Variants in PRKX observed in about 807,000 individuals in gnomAD.
The protein encoded by PRKX is protein kinase cAMP-dependent X-linked catalytic subunit.
PRKX carries 12 observed loss-of-function variants against 22.0 expected under a neutral mutation model. The observed-to-expected ratio is 0.54, with a 90% CI of 0.35 to 0.88. PRKX has a LOEUF of 0.88. Among genes scored for constraint, PRKX ranks in the 40% least tolerant of loss-of-function variants. The pLI, the probability that PRKX is intolerant of heterozygous loss-of-function variation, is 0.01. For synonymous variants in PRKX, 134 were observed against 137.7 expected (o/e 0.97, Z 0.19); for missense variants, 217 against 308.0 (o/e 0.70, Z 2.21).
chrX:3,672,613 C>T (rs1164506555), intron 2 of PRKX, among the ~76,000 whole-genome samples: 3 of 111,320 alleles, frequency 2.7e-5, no homozygotes, highest in African/African-American at 9.8e-5. Context: ...ATCGTCTCGG[C>T]TGCTCTCCTG....
At chrX:3,638,123 C>T (rs749171430) in intron 4 of PRKX, among the ~76,000 whole-genome samples, 2 of 111,348 alleles carry the variant, frequency 1.8e-5, no homozygotes, top group African/African-American at 6.5e-5. Context: ...ATTTTCTATT[C>T]TATTGTATTC....
chrX:3,676,836 C>T (rs141299473), intron 1 of PRKX, among the ~76,000 whole-genome samples: 1 of 111,089 alleles, frequency 9.0e-6, no homozygotes, highest in African/African-American at 3.3e-5. Flanking sequence ...ATAAGTCTCA[C>T]GAGATCAGAT....
Position 3,608,229 on chromosome X carries a change from A to G in PRKX, c.*740T>C, listed in dbSNP as rs1168985945. 1.8e-5 allele frequency: 2 copies of G among 110,391 alleles called. No homozygotes were observed. Among genetic ancestry groups the G allele is most frequent in the East Asian group, 2.9e-4 (1 of 3,507 alleles). The allele number at this position is 110,391 out of a possible 1,213,427, so 9.1% of individuals were successfully genotyped here. On this transcript the variant is annotated 3_prime_UTR_variant, in exon 9 of 9. Transcript: ENST00000262848. ...CACAGAAGGTTTTTTTAAATACAGT[A>G]CATTCCTCCAACAACTTCAATGTCA...
At chrX:3,631,914 A>G (rs1478800391) in intron 4 of PRKX, among the ~76,000 whole-genome samples, 1 of 112,680 alleles carries the variant, frequency 8.9e-6, no homozygotes, top group Non-Finnish European at 1.9e-5. Flanking sequence ...TAAACCTTTC[A>G]GTCTGTGGTA....
chrX:3,644,445 T>TATAAATCAG (rs1007860223), intron 3 of PRKX, among the ~76,000 whole-genome samples: 1 of 92,528 alleles, frequency 1.1e-5, no homozygotes, highest in African/African-American at 4.1e-5. Flanking sequence ...ATGTAGCAGA[T>TATAAATCAG]ATAAATCAGG....
intron 1 of PRKX, among the ~76,000 whole-genome samples, chrX:3,689,051 C>G (rs975509473): frequency 3.6e-5 from 4 of 111,938 alleles, no homozygotes; most frequent in Non-Finnish European, 7.5e-5. Flanking sequence ...AACTTTCTCA[C>G]CTTTTAAAAT....
intron 4 of PRKX, among the ~76,000 whole-genome samples, chrX:3,639,709 T>G (rs1032031595): frequency 2.7e-5 from 3 of 111,075 alleles, no homozygotes; most frequent in African/African-American, 9.8e-5. Flanking sequence ...ACTCTCCTCC[T>G]GCGGCATCTC....
At chrX:3,657,441 C>G in intron 2 of PRKX, among the ~76,000 whole-genome samples, 1 of 111,537 alleles carries the variant, frequency 9.0e-6, no homozygotes, top group African/African-American at 3.3e-5. Flanking sequence ...GGAGAGAGGG[C>G]TCAGGAGGCA....
chrX:3,672,711 G>A (rs1277099941), intron 2 of PRKX, among the ~76,000 whole-genome samples: 1 of 110,759 alleles, frequency 9.0e-6, no homozygotes, highest in Non-Finnish European at 1.9e-5. Flanking sequence ...GGAGGGACGC[G>A]GCAGACAACA....
At chrX:3,700,617 C>T (rs1311402278) in intron 1 of PRKX, among the ~76,000 whole-genome samples, 1 of 108,928 alleles carries the variant, frequency 9.2e-6, no homozygotes, top group Non-Finnish European at 1.9e-5. Context: ...CTCACTCTGT[C>T]ACCCAGGCTG....
intron 1 of PRKX, among the ~76,000 whole-genome samples, chrX:3,689,772 T>A (rs745939362): frequency 9.0e-6 from 1 of 111,431 alleles, no homozygotes; most frequent in South Asian, 3.7e-4. Context: ...GGTCAGGAGA[T>A]CGAGACCATC....
chrX:3,674,646 T>C lies in PRKX; in HGVS notation c.287A>G (p.Asn96Ser), dbSNP rs774494663. 1.7e-6 allele frequency: 2 copies of C among 1,211,695 alleles called. No individual in the cohort carries two copies. The highest frequency in any genetic ancestry group is 2.2e-6 in the Non-Finnish European group (2 of 895,446). The change falls in exon 2 of 9, where the codon AAT (asparagine) becomes AGT (serine). Residue 96 changes from asparagine (N) to serine (S), a missense_variant. Coordinates refer to ENST00000262848, the MANE Select transcript of PRKX (RefSeq NM_005044.5). ...GACTTCCTTCAGGACAGACTTCTCA[T>C]TGTGTACGTGTTGCTCCTGCTTTAG... ...IRLKQEQHVH[N>S]EKSVLKEVSH...
intron 1 of PRKX, among the ~76,000 whole-genome samples, chrX:3,697,944 A>G (rs190583568): frequency 1.3e-4 from 15 of 111,680 alleles, no homozygotes; most frequent in African/African-American, 4.9e-4. Context: ...CAAGGGAACA[A>G]TTGACAAAAT....
chrX:3,700,910 C>A (rs1439340410), intron 1 of PRKX, among the ~76,000 whole-genome samples: 3 of 111,648 alleles, frequency 2.7e-5, no homozygotes, highest in Admixed American at 9.6e-5. Flanking sequence ...GCCCGAAAAT[C>A]AATGAAGTTG....
At chrX:3,642,269 T>A (rs2146574586) in intron 3 of PRKX, among the ~76,000 whole-genome samples, 1 of 111,182 alleles carries the variant, frequency 9.0e-6, no homozygotes, top group South Asian at 3.9e-4. Flanking sequence ...TTTTTTGAGT[T>A]ATTTATACCT....
At chrX:3,626,082 T>C (rs1306976925) in intron 5 of PRKX, among the ~76,000 whole-genome samples, 1 of 111,396 alleles carries the variant, frequency 9.0e-6, no homozygotes, top group African/African-American at 3.3e-5. Flanking sequence ...CATCAACAGT[T>C]CTGTTAGCCA....
intron 1 of PRKX, among the ~76,000 whole-genome samples, chrX:3,678,042 G>A (rs1216706762): frequency 2.9e-4 from 32 of 111,882 alleles, no homozygotes; most frequent in Admixed American, 5.7e-4. Context: ...GAAGGGCTTT[G>A]AGGACTGTGA....
rs61451564 is a variant in PRKX, at chrX:3,608,623, A to ACACACACAC, written c.*345_*346insGTGTGTGTG. ...CACACACACACACACACACACACAC[A>ACACACACAC]ATTTGTGGTTATAATCGAACAAGTC... On this transcript the variant is annotated 3_prime_UTR_variant, in exon 9 of 9. Transcript: ENST00000262848. 1 of 97,677 alleles carries ACACACACAC rather than the reference A, an allele frequency of 1.0e-5. No individual in the cohort carries two copies. Among genetic ancestry groups the ACACACACAC allele is most frequent in the Non-Finnish European group, 2.1e-5 (1 of 48,542 alleles). The allele number at this position is 97,677 out of a possible 1,213,427, so 8.0% of individuals were successfully genotyped here.
chrX:3,671,422 CCTGCCATGTT>C (rs1365375554), intron 2 of PRKX, among the ~76,000 whole-genome samples: 3 of 111,321 alleles, frequency 2.7e-5, no homozygotes, highest in African/African-American at 9.8e-5. Context: ...GAAATGAGCC[CCTGCCATGTT>C]CTCCCAAAAC....
Sources: gnomAD v4.1 joint callset for allele counts (sites outside exome capture counted in the v4.1 genomes callset) on GRCh38, gnomAD v4.1.1 for gene constraint, MANE v1.5 for transcripts, NCBI Gene and HGNC (gene_info 2026-07-23, HGNC 2026-07-21) for gene names.